AKAP6: variants seen among roughly 807,000 people sequenced by gnomAD.
The protein encoded by AKAP6 is A-kinase anchor protein 6.
AKAP6 carries 58 observed loss-of-function variants against 188.5 expected under a neutral mutation model. The ratio of observed to expected loss-of-function variants is 0.31; its 90% CI spans 0.25 to 0.38. The LOEUF is 0.38. Ranked by LOEUF, AKAP6 falls within the 10% of genes least tolerant of loss-of-function variation. The probability of loss-of-function intolerance (pLI) is 1.00; values close to 1 mark genes in which losing one functional copy is unlikely to be tolerated. For missense variants in AKAP6, 2,710 were observed against 2,740.0 expected (o/e 0.99, Z 0.24); for synonymous variants, 989 against 998.6 (o/e 0.99, Z 0.18).
At chr14:32,633,616 A>T (rs1426537853) in intron 7 of AKAP6, among the ~76,000 whole-genome samples, 2 of 152,026 alleles carry the variant, frequency 1.3e-5, no homozygotes, top group Non-Finnish European at 2.9e-5. Flanking sequence ...TTTCCTTCTG[A>T]CACAAGAATA....
At chr14:32,695,883 A>G (rs2139696339) in intron 8 of AKAP6, 107 bp from the exon 9 acceptor site, 3 of 1,333,334 alleles carry the variant, frequency 2.3e-6, no homozygotes, top group Non-Finnish European at 3.0e-6. Context: ...CTCTTATTGT[A>G]GATAACACTA....
chr14:32,826,026 T>C (rs2034664508), intron 13 of AKAP6, among the ~76,000 whole-genome samples: 1 of 152,204 alleles, frequency 6.6e-6, no homozygotes, highest in East Asian at 1.9e-4. Context: ...TAATGTATTA[T>C]GAAAAAAGTT....
intron 1 of AKAP6, among the ~76,000 whole-genome samples, chr14:32,359,261 T>A (rs1177974749): frequency 2.0e-5 from 3 of 152,186 alleles, no homozygotes; most frequent in Non-Finnish European, 2.9e-5. Flanking sequence ...AAGTTGGTCT[T>A]TAAAAATGAA....
intron 7 of AKAP6, among the ~76,000 whole-genome samples, chr14:32,628,628 G>C (rs559646293): frequency 2.0e-5 from 3 of 152,030 alleles, no homozygotes; most frequent in Non-Finnish European, 4.4e-5. Context: ...CTGTTTATAT[G>C]GCTAGATTTG....
intron 2 of AKAP6, among the ~76,000 whole-genome samples, chr14:32,486,224 T>TAGTATAGTTTGAAGTCAGGC (rs1163640469): frequency 1.3e-5 from 2 of 152,170 alleles, no homozygotes; most frequent in East Asian, 3.8e-4. Context: ...CGTATGCTTG[T>TAGTATAGTTTGAAGTCAGGC]AGTATAGTTT....
At chr14:32,800,652 G>A (rs1315881535) in intron 12 of AKAP6, among the ~76,000 whole-genome samples, 1 of 151,644 alleles carries the variant, frequency 6.6e-6, no homozygotes, top group Non-Finnish European at 1.5e-5. Context: ...GCTTCCTTTT[G>A]ATTAGTGTTA....
intron 1 of AKAP6, among the ~76,000 whole-genome samples, chr14:32,364,138 G>C (rs1170979209): frequency 6.6e-6 from 1 of 152,170 alleles, no homozygotes; most frequent in Non-Finnish European, 1.5e-5. Context: ...AGGATGTAGA[G>C]ACAATGAATC....
At chr14:32,688,709 C>T (rs1277185633) in intron 8 of AKAP6, among the ~76,000 whole-genome samples, 1 of 152,058 alleles carries the variant, frequency 6.6e-6, no homozygotes, top group Non-Finnish European at 1.5e-5. Flanking sequence ...AGTCAAATCC[C>T]CAAAGCAGTT....
chr14:32,337,959 A>G (rs576444212), intron 1 of AKAP6, among the ~76,000 whole-genome samples: 1 of 152,190 alleles, frequency 6.6e-6, no homozygotes, highest in African/African-American at 2.4e-5. Context: ...GGTCCAGGCT[A>G]CATTGAGCCA....
At chr14:32,771,893 A>C (rs1261162462) in intron 11 of AKAP6, among the ~76,000 whole-genome samples, 1 of 152,176 alleles carries the variant, frequency 6.6e-6, no homozygotes, top group Admixed American at 6.6e-5. Flanking sequence ...ATTAATATTT[A>C]TAGGACTCAC....
chr14:32,436,652 C>T (rs756591690), intron 2 of AKAP6, among the ~76,000 whole-genome samples: 2 of 152,134 alleles, frequency 1.3e-5, no homozygotes, highest in African/African-American at 2.4e-5. Flanking sequence ...CTTTTAAATA[C>T]GTAAACAAGC....
rs1305313969 is a variant in AKAP6 at position 32,545,498 on chromosome 14, T to C, written c.845T>C (p.Ile282Thr). ...TTACTTACGGTAGCTGCTGACTCTA[T>C]CTCTACCAATGGCAGTGAAGCAGTT... ...VGLLTVAADS[I>T]STNGSEAVTE... Residue 282 changes from isoleucine to threonine, a missense_variant, in exon 4 of 14, where the codon ATC becomes ACC. Around this residue, in one of 2 missense-constraint regions of AKAP6, gnomAD observed 2,473 missense variants for 2,426.1 expected, o/e 1.02. Transcript: ENST00000280979. 1.2e-6 allele frequency: 2 copies of C among 1,614,082 alleles called. No homozygotes were observed. Among genetic ancestry groups the C allele is most frequent in the Admixed American group, 1.7e-5 (1 of 60,000 alleles).
intron 2 of AKAP6, among the ~76,000 whole-genome samples, chr14:32,499,474 C>G (rs548639571): frequency 1.8e-4 from 28 of 151,858 alleles, no homozygotes; most frequent in Non-Finnish European, 3.5e-4. Flanking sequence ...GTTCTGCTCC[C>G]TCCTTCAGTT....
At chr14:32,667,895 G>T (rs1054742410) in intron 7 of AKAP6, among the ~76,000 whole-genome samples, 2 of 152,056 alleles carry the variant, frequency 1.3e-5, no homozygotes, top group Admixed American at 1.3e-4. Context: ...TGCATGTCTT[G>T]CAGTCATAGA....
chr14:32,411,719 C>A (rs1333255787), intron 1 of AKAP6, among the ~76,000 whole-genome samples: 2 of 151,794 alleles, frequency 1.3e-5, no homozygotes, highest in Non-Finnish European at 2.9e-5. Flanking sequence ...TTTCTTAGAT[C>A]TGCTAAATCA....
chr14:32,728,060 C>T (rs2030961296), intron 9 of AKAP6, among the ~76,000 whole-genome samples: 2 of 152,118 alleles, frequency 1.3e-5, no homozygotes, highest in Non-Finnish European at 2.9e-5. Context: ...GGACCCTGGA[C>T]TTTTATATAA....
At chr14:32,722,156 A>G (rs1433264988) in intron 9 of AKAP6, among the ~76,000 whole-genome samples, 1 of 152,132 alleles carries the variant, frequency 6.6e-6, no homozygotes, top group African/African-American at 2.4e-5. Flanking sequence ...CTCTTAGCTG[A>G]ATACCTTTAG....
At chr14:32,576,041 A>G (rs1302819424) in intron 4 of AKAP6, among the ~76,000 whole-genome samples, 1 of 152,146 alleles carries the variant, frequency 6.6e-6, no homozygotes, top group Admixed American at 6.6e-5. Context: ...TATGAATCTT[A>G]AAATATTATC....
intron 9 of AKAP6, among the ~76,000 whole-genome samples, chr14:32,698,105 C>T (rs1246705185): frequency 6.6e-6 from 1 of 152,114 alleles, no homozygotes; most frequent in Admixed American, 6.6e-5. Context: ...TTTATGTGCA[C>T]TCCCAAATTA....
Sources: gnomAD v4.1 joint callset for allele counts (sites outside exome capture counted in the v4.1 genomes callset) on GRCh38, gnomAD v4.1.1 for gene constraint, gnomAD v4.1.1 regional missense constraint, MANE v1.5 for transcripts, NCBI Gene and HGNC (gene_info 2026-07-23, HGNC 2026-07-21) for gene names.